OVCH1: variants seen among roughly 807,000 people sequenced by gnomAD.
OVCH1 encodes ovochymase-1.
In OVCH1, 139 loss-of-function variants were observed where a neutral mutation model predicts 138.4. That is an observed-to-expected ratio of 1.00 (90% CI 0.87 to 1.16). The LOEUF is 1.16. OVCH1 is among the 50% of genes most tolerant of loss of function. The pLI is 0.00. For missense variants in OVCH1, 1,367 were observed against 1,357.9 expected (o/e 1.01, Z -0.11); for synonymous variants, 453 against 467.8 (o/e 0.97, Z 0.41).
At chr12:29,479,521 C>T (rs142000170) in intron 8 of OVCH1, among the ~76,000 whole-genome samples, 1 of 152,228 alleles carries the variant, frequency 6.6e-6, no homozygotes, top group East Asian at 1.9e-4. Context: ...AATCCCTTAC[C>T]TTCATTTTCA....
At chr12:29,407,527 CTAGCCAGT>C (rs1253622523), downstream of OVCH1, among the ~76,000 whole-genome samples, 19 of 149,846 alleles carry the variant, frequency 1.3e-4, no homozygotes, top group East Asian at 3.9e-4. Flanking sequence ...CTCCATATGG[CTAGCCAGT>C]TTTCCCAGCA....
chr12:29,409,915 G>A (rs1453293414), downstream of OVCH1, among the ~76,000 whole-genome samples: 8 of 152,058 alleles, frequency 5.3e-5, no homozygotes, highest in Non-Finnish European at 1.2e-4. Flanking sequence ...GGGTGTTAAA[G>A]TCTCCCATTA....
At chr12:29,448,875 A>C (rs1941691699) in intron 22 of OVCH1, among the ~76,000 whole-genome samples, 2 of 152,084 alleles carry the variant, frequency 1.3e-5, no homozygotes, top group South Asian at 4.1e-4. Context: ...TATATACCAC[A>C]CACATGGACA....
At chr12:29,456,301 C>T (rs1029121005) in intron 19 of OVCH1, among the ~76,000 whole-genome samples, 3 of 152,138 alleles carry the variant, frequency 2.0e-5, no homozygotes, top group Non-Finnish European at 2.9e-5. Context: ...CCTTAAACTG[C>T]TCTAGTATCT....
intron 26 of OVCH1, among the ~76,000 whole-genome samples, chr12:29,436,603 A>C (rs981504203): frequency 1.3e-5 from 2 of 152,192 alleles, no homozygotes; most frequent in Non-Finnish European, 2.9e-5. Flanking sequence ...ACAGCTCTTA[A>C]AGATGGCGTG....
intron 12 of OVCH1, among the ~76,000 whole-genome samples, chr12:29,476,669 A>G (rs1332116234): frequency 2.0e-5 from 3 of 152,020 alleles, no homozygotes; most frequent in Non-Finnish European, 4.4e-5. Context: ...AGTTATTAAG[A>G]AGAGCTCTGT....
chr12:29,449,274 C>T (rs151206086), intron 22 of OVCH1, among the ~76,000 whole-genome samples: 3,588 of 126,120 alleles, frequency 0.028, 121 homozygotes, highest in African/African-American at 0.095. Context: ...TTCCCCCCTC[C>T]CTACACACAC....
intron 25 of OVCH1, among the ~76,000 whole-genome samples, chr12:29,442,190 C>T (rs567615721): frequency 7.9e-5 from 12 of 152,128 alleles, no homozygotes; most frequent in Admixed American, 2.0e-4. Flanking sequence ...TATTGCGGCA[C>T]TATTCACAAT....
chr12:29,461,663 A>G, intron 19 of OVCH1, 191 bp downstream of exon 19: 1 of 736,526 alleles, frequency 1.4e-6, no homozygotes. Flanking sequence ...GCTTCCGGCC[A>G]CTCTCTGACA....
rs372474824 is a variant in OVCH1 at position 29,479,020 on chromosome 12, C to T, written c.996-112G>A. On this transcript the variant is annotated intron_variant, in intron 8 of 27. Coordinates refer to ENST00000318184, the Ensembl canonical transcript of OVCH1. ...GTAATAAATGGAAGAGTCAGATTTG[C>T]TAAATAAAATCTAATACCTGTGCTT... 139 of 638,628 alleles carry T rather than the reference C, an allele frequency of 2.2e-4. 4 individuals are homozygous for T. In the South Asian group the frequency reaches 2.9e-3, roughly 13 times the overall value. The allele number at this position is 638,628 out of a possible 1,614,324, so 39.6% of individuals were successfully genotyped here.
At chr12:29,408,023 A>G (rs904197435), downstream of OVCH1, among the ~76,000 whole-genome samples, 132 of 140,460 alleles carry the variant, frequency 9.4e-4, 4 homozygotes, top group Non-Finnish European at 1.8e-3. Flanking sequence ...GGTCCTTCAC[A>G]TCCCTTGTAA....
At chr12:29,429,198 A>AAGTT (rs1448439497) in intron 27 of OVCH1, among the ~76,000 whole-genome samples, 1 of 152,236 alleles carries the variant, frequency 6.6e-6, no homozygotes, top group African/African-American at 2.4e-5. Context: ...ATTTTCAAAA[A>AAGTT]AGTTACCATC....
At chr12:29,470,051 C>T (rs545414533) in intron 16 of OVCH1, among the ~76,000 whole-genome samples, 1 of 152,106 alleles carries the variant, frequency 6.6e-6, no homozygotes, top group African/African-American at 2.4e-5. Context: ...CAAGGTATTA[C>T]GGAGATGAAG....
At chr12:29,474,489 T>A (rs1942636371) in intron 14 of OVCH1, among the ~76,000 whole-genome samples, 1 of 152,206 alleles carries the variant, frequency 6.6e-6, no homozygotes, top group Admixed American at 6.5e-5. Flanking sequence ...AATCAAAAGT[T>A]AGCTAGCTAT....
chr12:29,443,298 C>T (rs973655137), intron 25 of OVCH1, 63 bp downstream of exon 25: 2 of 1,513,018 alleles, frequency 1.3e-6, no homozygotes, highest in Admixed American at 3.7e-5. Context: ...GAATATGAAA[C>T]AATCTAAACA....
exon 27 of OVCH1, chr12:29,433,755 C>T (rs1281472853): frequency 2.8e-6 from 4 of 1,424,840 alleles, no homozygotes; most frequent in African/African-American, 1.4e-5. Context: ...ACTTACATAA[C>T]TTAAATTTGA....
At chr12:29,451,187 A>AATG (rs923156661) in intron 22 of OVCH1, among the ~76,000 whole-genome samples, 158 bp downstream of exon 22, 26 of 152,066 alleles carry the variant, frequency 1.7e-4, no homozygotes, top group African/African-American at 6.3e-4. Context: ...TAATAATAAT[A>AATG]AAGAAAATGT....
chr12:29,475,406 T>C (rs1168622601), intron 13 of OVCH1, among the ~76,000 whole-genome samples: 1 of 152,122 alleles, frequency 6.6e-6, no homozygotes, highest in East Asian at 1.9e-4. Context: ...AATAAGGACA[T>C]TTGATTTCCA....
Position 29,477,098 on chromosome 12 carries a change from C to G in OVCH1, c.1377+4G>C. On this transcript the variant is annotated splice_donor_region_variant and intron_variant, in intron 12 of 27. Transcript: ENST00000318184. Reference sequence around the variant, plus strand: ...TGAGGTAGAGCGATTCCTCAGTTGCCTACCTTTATAATGTGCTTCTCTGGA... The same window carrying G: ...TGAGGTAGAGCGATTCCTCAGTTGCGTACCTTTATAATGTGCTTCTCTGGA... The G allele has an allele frequency of 6.3e-7, 1 of 1,598,402 alleles. No homozygotes were observed. The highest frequency in any genetic ancestry group is 8.5e-7 in the Non-Finnish European group (1 of 1,172,104).
Sources: gnomAD v4.1 joint callset for allele counts (sites outside exome capture counted in the v4.1 genomes callset) on GRCh38, gnomAD v4.1.1 for gene constraint, MANE v1.5 for transcripts, NCBI Gene and HGNC (gene_info 2026-07-23, HGNC 2026-07-21) for gene names.